Variants in MED17 observed in about 807,000 individuals in gnomAD.
The protein encoded by MED17 is mediator of RNA polymerase II transcription subunit 17.
MED17 carries 49 observed loss-of-function variants against 80.8 expected under a neutral mutation model. That is an observed-to-expected ratio of 0.61 (90% CI 0.48 to 0.77). The LOEUF is 0.77. Ranked by LOEUF, MED17 falls within the 30% of genes least tolerant of loss-of-function variation. The pLI is 0.00. For missense variants in MED17, 718 were observed against 787.0 expected, an observed-to-expected ratio of 0.91 and a Z score of 1.05; for synonymous variants, 281 against 280.4, an observed-to-expected ratio of 1.00 and a Z score of -0.02.
rs1944037227 is a variant in MED17 at position 93,807,366 on chromosome 11, T to C, written c.1467-152T>C. ...AAGCGGAGGTTGCAGTGAGCTGAGA[T>C]CACGCCACTGCACTCCAGCCTGGGC... On this transcript the variant is annotated intron_variant, in intron 9 of 11. Transcript: ENST00000251871. 5 of 621,984 alleles carry C rather than the reference T, an allele frequency of 8.0e-6. No homozygotes were observed. The South Asian group carries it at 9.2e-5, about 11-fold the overall frequency. The allele number at this position is 621,984 out of a possible 1,614,324, so 38.5% of individuals were successfully genotyped here.
rs576164134 is a variant in MED17 at position 93,798,599 on chromosome 11, A to T, written c.1328+880A>T. Among the ~76,000 whole-genome samples, 11 of 152,308 alleles carry T rather than the reference A, an allele frequency of 7.2e-5. No homozygotes were observed. The East Asian group carries it at 1.5e-3, about 21-fold the overall frequency. ...GGGGAGACACGTTAGAGAAGACAGC[A>T]TGAGGCAGTGAAAGGAGTAGGGGAC... On this transcript the variant is annotated intron_variant, in intron 8 of 11. Transcript: ENST00000251871.
intron 1 of MED17, among the ~76,000 whole-genome samples, chr11:93,787,387 T>C (rs1304369039): frequency 6.6e-6 from 1 of 151,736 alleles, no homozygotes; most frequent in African/African-American, 2.4e-5. Context: ...CACTCCAGCC[T>C]GGGTGACAGA....
intron 10 of MED17, chr11:93,809,187 T>C (rs1312096499): frequency 4.6e-6 from 1 of 219,598 alleles, no homozygotes; most frequent in African/African-American, 2.3e-5. Flanking sequence ...GAACAGTCCA[T>C]CTTGAGAAGC....
intron 3 of MED17, among the ~76,000 whole-genome samples, chr11:93,792,584 G>A (rs576691285): frequency 2.3e-4 from 35 of 152,216 alleles, no homozygotes; most frequent in Non-Finnish European, 4.6e-4. Context: ...TATTTCTTAT[G>A]TAATTCAATG....
intron 1 of MED17, 25 bp from the exon 2 acceptor site, chr11:93,787,976 C>CT (rs747026834): frequency 1.4e-5 from 22 of 1,604,970 alleles, no homozygotes; most frequent in East Asian, 4.5e-5. Flanking sequence ...TTCTGTATTT[C>CT]TTTTTTTTCT....
In MED17 at chr11:93,802,365, G is replaced by A. The variant is rs867524917; in HGVS notation, c.1466+393G>A. Among the ~76,000 whole-genome samples the A allele has an allele frequency of 1.5e-4, 23 of 152,226 alleles. No homozygotes were observed. The South Asian group carries it at 2.7e-3, about 18-fold the overall frequency. Reference sequence around the variant, plus strand: ...TCCTGCTGTCTTGGCCTCCCAAAGTGCTGGGATTACAGGCATGAGCCACCA... The same window carrying A: ...TCCTGCTGTCTTGGCCTCCCAAAGTACTGGGATTACAGGCATGAGCCACCA... On this transcript the variant is annotated intron_variant, in intron 9 of 11. Transcript: ENST00000251871.
intron 9 of MED17, among the ~76,000 whole-genome samples, chr11:93,805,125 A>G (rs1160252814): frequency 2.0e-5 from 3 of 152,234 alleles, no homozygotes; most frequent in Non-Finnish European, 4.4e-5. Context: ...TTGTTAGCAC[A>G]TAGATCTACC....
At position 93,812,445 on chromosome 11, in the gene MED17, C is replaced by CTTTTTTTTTTT. The variant is rs553014429; in HGVS notation, c.*382_*392dup. 6.9e-3 allele frequency: 2,417 copies of CTTTTTTTTTTT among 352,584 alleles called. 77 individuals carry two copies. The highest frequency in any genetic ancestry group is 0.049 in the African/African-American group (2,198 of 44,888). 21.8% of individuals were successfully genotyped at this position (352,584 alleles called of 1,614,324 possible). On this transcript the variant is annotated 3_prime_UTR_variant, in exon 12 of 12. Coordinates refer to ENST00000251871, the MANE Select transcript of MED17 (RefSeq NM_004268.5). Reference sequence around the variant, plus strand: ...TTTTTCCCCCCAAATACTTTCTAAACTTTTTTTTTTTGAGATGGTATCTCA... The same window carrying CTTTTTTTTTTT: ...TTTTTCCCCCCAAATACTTTCTAAACTTTTTTTTTTTTTTTTTTTTTTGAGATGGTATCTCA...
chr11:93,801,458 C>T (rs1565292449), intron 8 of MED17: 1 of 225,154 alleles, frequency 4.4e-6, no homozygotes, highest in Non-Finnish European at 9.0e-6. Flanking sequence ...TACCAGGGAT[C>T]AAGTACTGAC....
chr11:93,784,774 C>T lies in MED17; in HGVS notation c.250+11C>T, dbSNP rs1339738102. ...AGGACGACGAGGAAGGTAAGGCCTG[C>T]ATCCGCTGCCCGAGTCCCCCGGTCT... On this transcript the variant is annotated intron_variant, in intron 1 of 11. Transcript: ENST00000251871. 2.6e-6 allele frequency: 4 copies of T among 1,535,728 alleles called. No homozygotes were observed. The highest frequency in any genetic ancestry group is 8.7e-7 in the Non-Finnish European group (1 of 1,147,182).
Position 93,788,040 on chromosome 11 carries a change from C to T in MED17, c.290C>T (p.Ser97Leu). The change falls in exon 2 of 12, where the codon TCA becomes TTA. Residue 97 changes from serine to leucine, a missense_variant. By Grantham distance (145) the Ser-to-Leu change is moderately radical. Transcript: ENST00000251871. Reference sequence around the variant, plus strand: ...CAGCCTTCCCTTTGGCCTTGGGACTCAGTGAGGAACAATTTGAGAAGTGCC... The same window carrying T: ...CAGCCTTCCCTTTGGCCTTGGGACTTAGTGAGGAACAATTTGAGAAGTGCC... ...KFQPSLWPWD[S>L]VRNNLRSALT... 1.2e-6 allele frequency: 2 copies of T among 1,613,884 alleles called. No individual in the cohort carries two copies. Among genetic ancestry groups the T allele is most frequent in the Non-Finnish European group, 1.7e-6 (2 of 1,179,944 alleles).
rs139015023 is a variant in MED17 at position 93,791,577 on chromosome 11, T to C, written c.637+784T>C. On this transcript the variant is annotated intron_variant, in intron 3 of 11. Transcript: ENST00000251871. ...AAAATTAGCTGGGCGTGGTGTTGCA[T>C]ACCTGTTAGTCCCAGCTACTCAGGA... Among the ~76,000 whole-genome samples the C allele has an allele frequency of 3.0e-4, 45 of 152,074 alleles. 1 individual carries two copies. The East Asian group carries it at 8.3e-3, about 28-fold the overall frequency.
chr11:93,807,517 G>C lies in MED17; in HGVS notation c.1467-1G>C, dbSNP rs150996424. 1.3e-6 allele frequency: 2 copies of C among 1,539,168 alleles called. No individual in the cohort carries two copies. Among genetic ancestry groups the C allele is most frequent in the African/African-American group, 2.7e-5 (2 of 73,118 alleles). Reference sequence around the variant, plus strand: ...GATTTTTAGTATGTGTGTCTATAAAGGTCCATTCAACTGCAATTGAATATT... The same window carrying C: ...GATTTTTAGTATGTGTGTCTATAAACGTCCATTCAACTGCAATTGAATATT... On this transcript the variant is annotated splice_acceptor_variant, in intron 9 of 11. Coordinates refer to ENST00000251871, the MANE Select transcript of MED17 (RefSeq NM_004268.5). LOFTEE classifies it high-confidence loss of function.
intron 9 of MED17, among the ~76,000 whole-genome samples, chr11:93,804,321 G>A (rs1427444807): frequency 2.0e-5 from 3 of 151,874 alleles, no homozygotes; most frequent in Admixed American, 6.6e-5. Context: ...CCAGATTAAG[G>A]GTGGGTCTGC....
At chr11:93,787,908 C>CAAATTG in intron 1 of MED17, 93 bp from the exon 2 acceptor site, 1 of 1,026,834 alleles carries the variant, frequency 9.7e-7, no homozygotes, top group Non-Finnish European at 1.5e-6. Context: ...TTAATTATTT[C>CAAATTG]TCCTTTTAGT....
chr11:93,796,648 A>G, intron 7 of MED17, 108 bp downstream of exon 7: 1 of 1,234,238 alleles, frequency 8.1e-7, no homozygotes, highest in East Asian at 2.3e-5. Context: ...CATAGCAACA[A>G]CATTCACTGT....
At chr11:93,805,440 G>T (rs992943203) in intron 9 of MED17, among the ~76,000 whole-genome samples, 3 of 152,110 alleles carry the variant, frequency 2.0e-5, no homozygotes, top group African/African-American at 7.2e-5. Flanking sequence ...AATTAGCTGG[G>T]TGTGGTGGTA....
At chr11:93,788,410 G>A (rs946648422) in intron 2 of MED17, 8 of 366,086 alleles carry the variant, frequency 2.2e-5, no homozygotes, top group South Asian at 1.0e-4. Flanking sequence ...GGCCAGGCGT[G>A]GTGGCTCACG....
At chr11:93,785,815 G>C (rs1006459594) in intron 1 of MED17, among the ~76,000 whole-genome samples, 1 of 152,162 alleles carries the variant, frequency 6.6e-6, no homozygotes, top group Non-Finnish European at 1.5e-5. Flanking sequence ...AGACCAGCCT[G>C]AGCAACATAG....
Sources: gnomAD v4.1 joint callset for allele counts (sites outside exome capture counted in the v4.1 genomes callset) on GRCh38, gnomAD v4.1.1 for gene constraint, MANE v1.5 for transcripts, NCBI Gene and HGNC (gene_info 2026-07-23, HGNC 2026-07-21) for gene names.